CHST11: variants seen among roughly 807,000 people sequenced by gnomAD.
CHST11 encodes the protein C4S-1.
In CHST11, 9 loss-of-function variants were observed where a neutral mutation model predicts 30.4. The ratio of observed to expected loss-of-function variants is 0.30; its 90% CI spans 0.18 to 0.52. The LOEUF is 0.52. Ranked by LOEUF, CHST11 falls within the 20% of genes least tolerant of loss-of-function variation. The probability of loss-of-function intolerance (pLI) is 0.97; values close to 1 mark genes in which losing one functional copy is unlikely to be tolerated. For synonymous variants in CHST11, 152 were observed against 187.8 expected (o/e 0.81, Z 1.56); for missense variants, 348 against 460.6 (o/e 0.76, Z 2.24).
At chr12:104,606,359 C>T (rs2039005486) in intron 2 of CHST11, among the ~76,000 whole-genome samples, 1 of 151,348 alleles carries the variant, frequency 6.6e-6, no homozygotes, top group Non-Finnish European at 1.5e-5. Context: ...GAAGGAAGGT[C>T]GGAAGGAAAG....
At chr12:104,516,214 T>C (rs1470136874) in intron 1 of CHST11, among the ~76,000 whole-genome samples, 1 of 152,178 alleles carries the variant, frequency 6.6e-6, no homozygotes, top group Non-Finnish European at 1.5e-5. Flanking sequence ...TAACCAAAAA[T>C]GTCTCCAAAC....
intron 1 of CHST11, among the ~76,000 whole-genome samples, chr12:104,463,158 CACCAAAAGG>C (rs773843595): frequency 3.3e-5 from 5 of 152,168 alleles, no homozygotes; most frequent in Non-Finnish European, 7.4e-5. Context: ...TTCTTAAACC[CACCAAAAGG>C]ACCTCTCTTT....
chr12:104,751,346 G>C (rs1010578951), intron 2 of CHST11, among the ~76,000 whole-genome samples: 2 of 152,174 alleles, frequency 1.3e-5, no homozygotes, highest in African/African-American at 2.4e-5. Context: ...CAGAATTGAT[G>C]GGCCCTGTTT....
intron 2 of CHST11, among the ~76,000 whole-genome samples, chr12:104,750,436 T>C (rs1402310229): frequency 2.0e-5 from 2 of 98,712 alleles, no homozygotes; most frequent in African/African-American, 9.3e-5. Flanking sequence ...CACTTTTTTT[T>C]TTTTTTTTTT....
At chr12:104,482,745 A>G (rs973989652) in intron 1 of CHST11, among the ~76,000 whole-genome samples, 3 of 152,202 alleles carry the variant, frequency 2.0e-5, no homozygotes, top group African/African-American at 4.8e-5. Flanking sequence ...ACAGCAGCTC[A>G]GAGAACTCAT....
chr12:104,573,942 A>G (rs2038656288), intron 1 of CHST11, among the ~76,000 whole-genome samples: 1 of 152,234 alleles, frequency 6.6e-6, no homozygotes, highest in African/African-American at 2.4e-5. Flanking sequence ...AATGGGAGAA[A>G]ATTTTTGCAA....
At chr12:104,559,756 T>TA (rs779589590) in intron 1 of CHST11, among the ~76,000 whole-genome samples, 6 of 151,698 alleles carry the variant, frequency 4.0e-5, no homozygotes, top group African/African-American at 1.5e-4. Context: ...AAAAATAAAA[T>TA]AAATAAAATA....
intron 2 of CHST11, among the ~76,000 whole-genome samples, chr12:104,752,133 C>A (rs1022328212): frequency 1.2e-4 from 19 of 152,220 alleles, no homozygotes; most frequent in Non-Finnish European, 2.8e-4. Flanking sequence ...CATGCTCTCT[C>A]TGAAGGCTCC....
At chr12:104,737,511 C>A (rs2040311169) in intron 2 of CHST11, among the ~76,000 whole-genome samples, 1 of 152,234 alleles carries the variant, frequency 6.6e-6, no homozygotes, top group Admixed American at 6.5e-5. Context: ...CAGAGCCCTG[C>A]AGGTGAGTTT....
chr12:104,690,661 A>G (rs2039889093), intron 2 of CHST11, among the ~76,000 whole-genome samples: 1 of 152,154 alleles, frequency 6.6e-6, no homozygotes, highest in Non-Finnish European at 1.5e-5. Context: ...CCCCATCTCT[A>G]CATAAATAAA....
At chr12:104,559,500 T>C (rs2038492032) in intron 1 of CHST11, among the ~76,000 whole-genome samples, 2 of 152,190 alleles carry the variant, frequency 1.3e-5, no homozygotes, top group African/African-American at 2.4e-5. Flanking sequence ...CCCAGCACTT[T>C]GGGAGGCCAA....
At chr12:104,490,756 T>A (rs1276590882) in intron 1 of CHST11, among the ~76,000 whole-genome samples, 2 of 152,166 alleles carry the variant, frequency 1.3e-5, no homozygotes, top group Non-Finnish European at 1.5e-5. Flanking sequence ...AACTGACATT[T>A]AAAAAAAGTC....
chr12:104,672,023 T>C (rs574670680), intron 2 of CHST11, among the ~76,000 whole-genome samples: 1 of 152,348 alleles, frequency 6.6e-6, no homozygotes, highest in South Asian at 2.1e-4. Flanking sequence ...GACCATGTCC[T>C]ACCCATTAAG....
At chr12:104,668,802 GCAAACTGTTCTCTTTGGAAC>G (rs1566030405) in intron 2 of CHST11, among the ~76,000 whole-genome samples, 1 of 152,204 alleles carries the variant, frequency 6.6e-6, no homozygotes, top group Non-Finnish European at 1.5e-5. Flanking sequence ...ACAGCCCTCA[GCAAACTGTTCTCTTTGGAAC>G]CAATACAGTT....
chr12:104,469,084 T>C (rs2037484582), intron 1 of CHST11, among the ~76,000 whole-genome samples: 1 of 152,232 alleles, frequency 6.6e-6, no homozygotes, highest in Admixed American at 6.5e-5. Context: ...GTCAACAAGA[T>C]GCTGTTCTAT....
At chr12:104,477,915 G>C (rs940164958) in intron 1 of CHST11, among the ~76,000 whole-genome samples, 1 of 152,162 alleles carries the variant, frequency 6.6e-6, no homozygotes, top group Non-Finnish European at 1.5e-5. Flanking sequence ...ATTGGAGAAA[G>C]GAATTCAGTT....
At chr12:104,738,705 C>T (rs1193108755) in intron 2 of CHST11, among the ~76,000 whole-genome samples, 1 of 152,204 alleles carries the variant, frequency 6.6e-6, no homozygotes, top group Non-Finnish European at 1.5e-5. Context: ...AGGAGAAAGC[C>T]CGGACCTCAT....
In CHST11 at chr12:104,636,203, G is replaced by T. The variant is rs935140065; in HGVS notation, c.204+34212G>T. 2.6e-5 allele frequency among the ~76,000 whole-genome samples: 4 copies of T among 152,270 alleles called. No homozygotes were observed. The East Asian group carries it at 7.7e-4, about 29-fold the overall frequency. On this transcript the variant is annotated intron_variant, in intron 2 of 2. Transcript: ENST00000303694. Reference sequence around the variant, plus strand: ...ATTGGCCTCCCGTGTCCTCATTTCTGTGTTGTTCAGTGTCCTCAGACATCC... The same window carrying T: ...ATTGGCCTCCCGTGTCCTCATTTCTTTGTTGTTCAGTGTCCTCAGACATCC...
At chr12:104,617,589 G>C (rs2136057805) in intron 2 of CHST11, among the ~76,000 whole-genome samples, 1 of 152,236 alleles carries the variant, frequency 6.6e-6, no homozygotes, top group South Asian at 2.1e-4. Context: ...CAACTTCTAG[G>C]TTTCAACTTC....
Sources: gnomAD v4.1 joint callset for allele counts (sites outside exome capture counted in the v4.1 genomes callset) on GRCh38, gnomAD v4.1.1 for gene constraint, MANE v1.5 for transcripts, NCBI Gene and HGNC (gene_info 2026-07-23, HGNC 2026-07-21) for gene names.